The following CNTN1 variants were observed in gnomAD, a reference collection of about 807,000 sequenced individuals.
CNTN1 encodes contactin-1.
Under a neutral mutation model 126.4 loss-of-function variants are expected in CNTN1, and 38 were observed. The observed-to-expected ratio is 0.30, with a 90% CI of 0.23 to 0.39. CNTN1 has a LOEUF of 0.39. Ranked by LOEUF, CNTN1 falls within the 10% of genes least tolerant of loss-of-function variation. The pLI is 1.00. For missense variants in CNTN1, 1,009 were observed against 1,248.4 expected, an observed-to-expected ratio of 0.81 and a Z score of 2.89; for synonymous variants, 413 against 422.6, an observed-to-expected ratio of 0.98 and a Z score of 0.28.
chr12:41,051,893 AACACAC>A (rs71078300), intron 23 of CNTN1, among the ~76,000 whole-genome samples: 20,773 of 134,412 alleles, frequency 0.15, 1,523 homozygotes, highest in Non-Finnish European at 0.17. Flanking sequence ...ACCCCACACA[AACACAC>A]ACACACACAC....
intron 16 of CNTN1, 32 bp downstream of exon 16, chr12:40,981,099 T>G (rs1210243712): frequency 6.2e-7 from 1 of 1,609,340 alleles, no homozygotes; most frequent in African/African-American, 1.3e-5. Flanking sequence ...AATCCGTGCA[T>G]GTTTTCAAAG....
chr12:40,941,159 A>G (rs2136943657), intron 12 of CNTN1, among the ~76,000 whole-genome samples: 1 of 152,286 alleles, frequency 6.6e-6, no homozygotes. Flanking sequence ...TTGTGTTCTG[A>G]TATTTTTAAA....
intron 1 of CNTN1, among the ~76,000 whole-genome samples, chr12:40,817,857 C>A (rs1298865855): frequency 1.3e-5 from 2 of 151,928 alleles, no homozygotes; most frequent in African/African-American, 4.8e-5. Flanking sequence ...GCAGGGCAGG[C>A]CTGGTGGTGA....
intron 1 of CNTN1, among the ~76,000 whole-genome samples, chr12:40,795,594 C>CAT (rs1332776073): frequency 6.6e-6 from 1 of 151,916 alleles, no homozygotes; most frequent in African/African-American, 2.4e-5. Flanking sequence ...CACACACACA[C>CAT]ATATAATGCT....
chr12:40,975,417 C>T (rs193105398), intron 15 of CNTN1, among the ~76,000 whole-genome samples: 16 of 151,800 alleles, frequency 1.1e-4, no homozygotes, highest in African/African-American at 3.6e-4. Flanking sequence ...AGGCCGTTTC[C>T]CCAGTCCTTT....
At chr12:41,041,255 G>C (rs1949398996) in intron 23 of CNTN1, among the ~76,000 whole-genome samples, 1 of 152,130 alleles carries the variant, frequency 6.6e-6, no homozygotes, top group Admixed American at 6.6e-5. Flanking sequence ...TTGCATCCCA[G>C]GGATGAAGCC....
At chr12:40,725,891 G>C (rs962165894) in intron 1 of CNTN1, among the ~76,000 whole-genome samples, 17 of 151,584 alleles carry the variant, frequency 1.1e-4, no homozygotes, top group African/African-American at 4.1e-4. Context: ...AGATTACATA[G>C]GCGTTTAGTA....
At chr12:40,727,946 G>T (rs1025127185) in intron 1 of CNTN1, among the ~76,000 whole-genome samples, 2 of 152,164 alleles carry the variant, frequency 1.3e-5, no homozygotes, top group African/African-American at 4.8e-5. Context: ...CCCTGTAGAG[G>T]TGTCCGCCCT....
chr12:40,910,383 G>A (rs188689592), intron 3 of CNTN1, among the ~76,000 whole-genome samples: 110 of 152,184 alleles, frequency 7.2e-4, no homozygotes, highest in South Asian at 4.8e-3. Flanking sequence ...AATGCTATGC[G>A]ACTAAATTTG....
At chr12:41,008,532 G>T (rs1208056974) in intron 17 of CNTN1, among the ~76,000 whole-genome samples, 1 of 152,154 alleles carries the variant, frequency 6.6e-6, no homozygotes, top group African/African-American at 2.4e-5. Context: ...GGTGGCTAGT[G>T]TAATTTTAGT....
chr12:40,860,091 T>A lies in CNTN1; in HGVS notation c.-76-48266T>A, dbSNP rs529478747. Among the ~76,000 whole-genome samples, 17 of 152,262 alleles carry A rather than the reference T, an allele frequency of 1.1e-4. No individual in the cohort carries two copies. In the South Asian group the frequency reaches 1.2e-3, roughly 11 times the overall value. ...TTTACATTTTTTCTAATTCTTTACA[T>A]AATATTGATCAGAAATCGGATTTTT... On this transcript the variant is annotated intron_variant, in intron 1 of 23. Transcript: ENST00000551295.
chr12:40,772,559 T>G (rs1179436277), intron 1 of CNTN1, among the ~76,000 whole-genome samples: 1 of 151,968 alleles, frequency 6.6e-6, no homozygotes, highest in Non-Finnish European at 1.5e-5. Flanking sequence ...TTTTGCCATG[T>G]TTTCTCTTAC....
intron 1 of CNTN1, among the ~76,000 whole-genome samples, chr12:40,904,557 T>C (rs929232630): frequency 6.6e-6 from 1 of 152,102 alleles, no homozygotes; most frequent in Non-Finnish European, 1.5e-5. Flanking sequence ...GCCTCCCAAG[T>C]AGCTGGGATT....
intron 1 of CNTN1, among the ~76,000 whole-genome samples, chr12:40,855,826 G>T (rs1942887123): frequency 6.6e-6 from 1 of 152,020 alleles, no homozygotes; most frequent in African/African-American, 2.4e-5. Flanking sequence ...TATTAATTCT[G>T]TTTTGAATTT....
intron 12 of CNTN1, among the ~76,000 whole-genome samples, chr12:40,942,466 C>T (rs2136947357): frequency 6.6e-6 from 1 of 152,208 alleles, no homozygotes; most frequent in Non-Finnish European, 1.5e-5. Context: ...GTCTTCCATT[C>T]AAAAATGCAT....
chr12:41,071,490 G>A lies in CNTN1; in HGVS notation c.*1455G>A, dbSNP rs1311857069. 2 of 152,112 alleles carry A rather than the reference G, an allele frequency of 1.3e-5. No homozygotes were observed. The highest frequency in any genetic ancestry group is 3.9e-4 in the East Asian group (2 of 5,190). 9.4% of individuals were successfully genotyped at this position (152,112 alleles called of 1,614,324 possible). ...TCTTTTTAGAAAGGACACCGTATAG[G>A]TTCGTAAAAAATATTTACAGGAAGC... On this transcript the variant is annotated 3_prime_UTR_variant, in exon 24 of 24. Coordinates refer to ENST00000551295, the MANE Select transcript of CNTN1 (RefSeq NM_001843.4).
intron 1 of CNTN1, among the ~76,000 whole-genome samples, chr12:40,889,522 T>TA (rs1031058211): frequency 6.6e-6 from 1 of 152,190 alleles, no homozygotes; most frequent in African/African-American, 2.4e-5. Flanking sequence ...AAAAACTGTT[T>TA]ACTAAGCATT....
At chr12:40,873,492 G>T in intron 1 of CNTN1, among the ~76,000 whole-genome samples, 1 of 151,968 alleles carries the variant, frequency 6.6e-6, no homozygotes, top group East Asian at 1.9e-4. Context: ...TCTCCATATT[G>T]GTTTGATTGC....
chr12:40,895,863 T>A (rs1353426978), intron 1 of CNTN1: 1 of 150,908 alleles, frequency 6.6e-6, no homozygotes, highest in South Asian at 2.1e-4. Flanking sequence ...GTTCACGCCA[T>A]TCTCCTGCCT....
Sources: allele counts gnomAD v4.1 joint callset (sites outside exome capture counted in the v4.1 genomes callset), GRCh38; gene constraint gnomAD v4.1.1; transcripts MANE v1.5; gene names NCBI Gene and HGNC (gene_info 2026-07-23, HGNC 2026-07-21).